Variants in EPHA3 observed in about 807,000 individuals in gnomAD.
EPHA3 encodes EPH receptor A3, also known as ephrin type-A receptor 3.
Under a neutral mutation model 107.1 loss-of-function variants are expected in EPHA3, and 42 were observed. The observed-to-expected ratio is 0.39, with a 90% CI of 0.31 to 0.51. The LOEUF (loss-of-function observed/expected upper bound fraction) is 0.51. EPHA3 is among the 20% of genes least tolerant of loss of function. The pLI is 0.78. For synonymous variants in EPHA3, 461 were observed against 424.8 expected (o/e 1.09, Z -1.05); for missense variants, 1,183 against 1,211.2 (o/e 0.98, Z 0.35).
chr3:89,398,845 T>C (rs1708898896), intron 6 of EPHA3, among the ~76,000 whole-genome samples: 1 of 152,096 alleles, frequency 6.6e-6, no homozygotes, highest in South Asian at 2.1e-4. Context: ...AATGCCCATG[T>C]TGGGACAGGT....
At chr3:89,397,732 C>T (rs575129354) in intron 6 of EPHA3, among the ~76,000 whole-genome samples, 9 of 152,116 alleles carry the variant, frequency 5.9e-5, no homozygotes, top group Non-Finnish European at 1.0e-4. Flanking sequence ...GATAGGCATG[C>T]GCCACCATGC....
rs374983555 is a variant in EPHA3, at chr3:89,407,231, A to G, written c.1595-38A>G. 7.6e-6 allele frequency: 11 copies of G among 1,447,918 alleles called. No individual in the cohort carries two copies. The African/African-American group carries it at 1.4e-4, about 18-fold the overall frequency. The allele number at this position is 1,447,918 out of a possible 1,614,324, so 89.7% of individuals were successfully genotyped here. On this transcript the variant is annotated intron_variant, in intron 7 of 16. Transcript: ENST00000336596. ...TTCCATGTAGATGTTAGTCATGATTATAATACCTGTTCTTATTTTTTCTCT... is the reference window on the plus strand; with the variant it reads ...TTCCATGTAGATGTTAGTCATGATTGTAATACCTGTTCTTATTTTTTCTCT...
intron 5 of EPHA3, among the ~76,000 whole-genome samples, chr3:89,394,724 A>T (rs569026853): frequency 2.6e-5 from 4 of 152,246 alleles, no homozygotes; most frequent in African/African-American, 9.6e-5. Context: ...ATACAAATAC[A>T]TGAGGTTCTT....
intron 15 of EPHA3, among the ~76,000 whole-genome samples, chr3:89,456,737 C>T (rs1163764016): frequency 6.6e-6 from 1 of 152,150 alleles, no homozygotes; most frequent in Non-Finnish European, 1.5e-5. Context: ...TTACATTAAA[C>T]TTTGTGTTAT....
intron 8 of EPHA3, 25 bp from the exon 9 acceptor site, chr3:89,408,042 T>C: frequency 1.9e-6 from 3 of 1,610,010 alleles, no homozygotes; most frequent in Non-Finnish European, 2.5e-6. Flanking sequence ...CTCTTATGTG[T>C]TCGCTTTCCT....
At chr3:89,220,800 A>T (rs79833415) in intron 3 of EPHA3, among the ~76,000 whole-genome samples, 155 of 152,316 alleles carry the variant, frequency 1.0e-3, no homozygotes, top group African/African-American at 3.6e-3. Flanking sequence ...TTGTATAAAA[A>T]GTTTCTATGC....
intron 3 of EPHA3, among the ~76,000 whole-genome samples, chr3:89,231,359 TCTAAATATGTATGTAC>T (rs1345860254): frequency 6.6e-6 from 1 of 152,154 alleles, no homozygotes; most frequent in Non-Finnish European, 1.5e-5. Context: ...TATGTATGTA[TCTAAATATGTATGTAC>T]CTAAATGAAA....
chr3:89,375,185 A>G (rs746449390), intron 5 of EPHA3, among the ~76,000 whole-genome samples: 20 of 151,854 alleles, frequency 1.3e-4, no homozygotes, highest in Non-Finnish European at 2.9e-4. Flanking sequence ...ACAATGAGCC[A>G]TTAACTAAAA....
At chr3:89,331,541 C>G (rs1344472071) in intron 3 of EPHA3, among the ~76,000 whole-genome samples, 3 of 152,064 alleles carry the variant, frequency 2.0e-5, no homozygotes, top group Non-Finnish European at 4.4e-5. Flanking sequence ...TAGTGTTGCT[C>G]ATATAACTTT....
At chr3:89,374,327 G>A (rs1708363461) in intron 5 of EPHA3, among the ~76,000 whole-genome samples, 1 of 151,836 alleles carries the variant, frequency 6.6e-6, no homozygotes, top group Non-Finnish European at 1.5e-5. Flanking sequence ...CAGAAAGCTA[G>A]CACACAATAG....
intron 2 of EPHA3, among the ~76,000 whole-genome samples, chr3:89,195,130 G>C (rs190169648): frequency 1.3e-5 from 2 of 151,514 alleles, no homozygotes; most frequent in Admixed American, 6.6e-5. Context: ...CTGAATTCTG[G>C]ATATCCATTT....
At chr3:89,194,599 G>C (rs1401517982) in intron 2 of EPHA3, among the ~76,000 whole-genome samples, 2 of 152,032 alleles carry the variant, frequency 1.3e-5, no homozygotes, top group Non-Finnish European at 1.5e-5. Context: ...CAAAATCTCT[G>C]TATCTGCTTT....
chr3:89,185,579 T>G (rs1214721695), intron 2 of EPHA3, among the ~76,000 whole-genome samples: 1 of 152,086 alleles, frequency 6.6e-6, no homozygotes, highest in African/African-American at 2.4e-5. Flanking sequence ...GACTGTCTTT[T>G]GTATCTTCTC....
rs750266508 is a variant in EPHA3, at chr3:89,472,505, C to A, written c.2732C>A (p.Thr911Asn). The A allele has an allele frequency of 1.1e-4, 178 of 1,613,990 alleles. No homozygotes were observed. Among genetic ancestry groups the A allele is most frequent in the Non-Finnish European group, 1.5e-4 (176 of 1,180,006 alleles). The part of the protein sequence containing the change: ...LLLDQSNVDI[T>N]TFRTTGDWLN... Reference sequence around the variant, plus strand: ...CTGGACCAAAGCAATGTGGATATCACTACCTTCCGCACAACAGGTGACTGG... The same window carrying A: ...CTGGACCAAAGCAATGTGGATATCAATACCTTCCGCACAACAGGTGACTGG... Residue 911 changes from threonine (T) to asparagine (N), a missense_variant, in exon 16 of 17, where the codon ACT (threonine) becomes AAT (asparagine). Coordinates refer to ENST00000336596, the MANE Select transcript of EPHA3 (RefSeq NM_005233.6).
At chr3:89,320,421 G>A (rs1707015984) in intron 3 of EPHA3, among the ~76,000 whole-genome samples, 1 of 151,962 alleles carries the variant, frequency 6.6e-6, no homozygotes, top group African/African-American at 2.4e-5. Flanking sequence ...AGGAACTTGA[G>A]ATAAGAAACT....
At chr3:89,372,246 A>G (rs1399007660) in intron 5 of EPHA3, among the ~76,000 whole-genome samples, 3 of 151,616 alleles carry the variant, frequency 2.0e-5, no homozygotes, top group Non-Finnish European at 4.4e-5. Context: ...ACATCCTAGG[A>G]CAACTCATAG....
chr3:89,182,027 C>CTT (rs11391841), intron 2 of EPHA3, among the ~76,000 whole-genome samples: 34 of 147,118 alleles, frequency 2.3e-4, no homozygotes, highest in East Asian at 6.0e-4. Context: ...TATCTGTTAG[C>CTT]TTTTTTTTTT....
At chr3:89,296,972 C>T (rs999502026) in intron 3 of EPHA3, among the ~76,000 whole-genome samples, 3 of 152,160 alleles carry the variant, frequency 2.0e-5, no homozygotes, top group African/African-American at 7.2e-5. Context: ...TGCTAGCTGT[C>T]AACATTTCTT....
rs141716319 is a variant in EPHA3, at chr3:89,450,364, C to G, written c.2684C>G (p.Ala895Gly). The part of the protein sequence containing the change: ...PGSLKIITSA[A>G]ARPSNLLLDQ... ...AGCCTGAAGATCATCACCAGTGCAG[C>G]CGCAAGGTGACACATTCAATTTGTT... Residue 895 changes from alanine to glycine, a missense_variant, in exon 15 of 17, where the codon GCC becomes GGC. Transcript: ENST00000336596. 5 of 1,610,518 alleles carry G rather than the reference C, an allele frequency of 3.1e-6. No homozygotes were observed. The highest frequency in any genetic ancestry group is 1.7e-4 in the Middle Eastern group (1 of 5,978).
Sources: gnomAD v4.1 joint callset for allele counts (sites outside exome capture counted in the v4.1 genomes callset) on GRCh38, gnomAD v4.1.1 for gene constraint, MANE v1.5 for transcripts, NCBI Gene and HGNC (gene_info 2026-07-23, HGNC 2026-07-21) for gene names.